The following KLK6 variants were observed in gnomAD, a reference collection of about 807,000 sequenced individuals.
The protein encoded by KLK6 is kallikrein related peptidase 6, also known as kallikrein-6.
KLK6 carries 16 observed loss-of-function variants against 21.7 expected under a neutral mutation model. That is an observed-to-expected ratio of 0.74 (90% CI 0.50 to 1.12). The LOEUF (loss-of-function observed/expected upper bound fraction) is 1.12, where lower values mean the gene tolerates loss of function less well. Among genes scored for constraint, KLK6 ranks in the 50% most tolerant of loss-of-function variants. The probability of loss-of-function intolerance (pLI) is 0.00; values close to 1 mark genes in which losing one functional copy is unlikely to be tolerated. For synonymous variants in KLK6, 116 were observed against 120.1 expected, an observed-to-expected ratio of 0.97 and a Z score of 0.22; for missense variants, 276 against 304.6, an observed-to-expected ratio of 0.91 and a Z score of 0.70.
intron 5 of KLK6, 126 bp downstream of exon 5, chr19:50,963,176 G>C: frequency 1.5e-6 from 2 of 1,329,700 alleles, no homozygotes; most frequent in Non-Finnish European, 2.1e-6. Flanking sequence ...TTGAAACCCT[G>C]TCCCATTGGT....
chr19:50,962,522 T>C (rs1472187608), intron 5 of KLK6: 1 of 152,840 alleles, frequency 6.5e-6, no homozygotes, highest in African/African-American at 2.4e-5. Flanking sequence ...CTTTCCTAAC[T>C]GGCCCTGCCC....
Position 50,967,235 on chromosome 19 carries a change from T to C in KLK6, c.131A>G (p.His44Arg). The change falls in exon 4 of 7, where the codon CAC becomes CGC. Residue 44 changes from histidine to arginine, a missense_variant. By Grantham distance (29) the His-to-Arg change is conservative (BLOSUM62 0). Transcript: ENST00000310157. Reference protein sequence around the residue: ...PYQAALYTSGHLLCGGVLIHP... With the variant: ...PYQAALYTSGRLLCGGVLIHP... ...GATAAGGACCCCACCACAGAGCAAG[T>C]GGCCCGAGGTGTAGAGGGCAGCTTG... 2 of 1,614,104 alleles carry C rather than the reference T, an allele frequency of 1.2e-6. No individual in the cohort carries two copies. Among genetic ancestry groups the C allele is most frequent in the Non-Finnish European group, 1.7e-6 (2 of 1,180,004 alleles).
At position 50,959,135 on chromosome 19, in the gene KLK6, G is replaced by T. The variant is rs375130402; in HGVS notation, c.*29C>A. ...TCTGGAACCAGCCAGTGGGGTGGTA[G>T]GTCGGGAGGTAGATGTCACATGTCA... On this transcript the variant is annotated 3_prime_UTR_variant, in exon 7 of 7. Transcript: ENST00000310157. The T allele has an allele frequency of 2.5e-6, 4 of 1,613,484 alleles. No homozygotes were observed. The highest frequency in any genetic ancestry group is 1.3e-5 in the African/African-American group (1 of 74,914).
At chr19:50,969,297 G>C (rs1422965814) in intron 1 of KLK6, among the ~76,000 whole-genome samples, 193 bp downstream of exon 1, 1 of 152,066 alleles carries the variant, frequency 6.6e-6, no homozygotes, top group East Asian at 1.9e-4. Flanking sequence ...AGACCTCCGG[G>C]TTTTGGAGAA....
chr19:50,968,503 C>T (rs998019987), intron 2 of KLK6, 38 bp downstream of exon 2: 4 of 243,996 alleles, frequency 1.6e-5, no homozygotes, highest in Admixed American at 4.9e-5. Context: ...CCACCCACCC[C>T]GCCCACCCGG....
intron 4 of KLK6, among the ~76,000 whole-genome samples, chr19:50,965,805 C>G (rs960275065): frequency 6.6e-6 from 1 of 152,192 alleles, no homozygotes; most frequent in African/African-American, 2.4e-5. Context: ...TTTCCCTGCA[C>G]CTCAGTTTCC....
intron 6 of KLK6, among the ~76,000 whole-genome samples, chr19:50,960,117 A>AG (rs2090816682): frequency 5.6e-5 from 1 of 17,822 alleles, no homozygotes; most frequent in Non-Finnish European, 1.0e-4. Context: ...AGGAGGATGG[A>AG]GAGGGGGAGG....
rs1236766891 is a variant in KLK6 at position 50,963,481 on chromosome 19, A to G, written c.266T>C (p.Val89Ala). Residue 89 changes from valine to alanine, a missense_variant, in exon 5 of 7, where the codon GTT becomes GCT. Coordinates refer to ENST00000310157, the MANE Select transcript of KLK6 (RefSeq NM_002774.4). Reference protein sequence around the residue: ...QRESSQEQSSVVRAVIHPDYD... With the variant: ...QRESSQEQSSAVRAVIHPDYD... ...GTCAGGGTGGATCACAGCCCGGACA[A>G]CAGAACTCTGCTCCTGGGAACTCTC... is the stretch of plus-strand genomic sequence containing the variant. The G allele has an allele frequency of 1.2e-6, 2 of 1,614,180 alleles. No homozygotes were observed. The highest frequency in any genetic ancestry group is 1.7e-6 in the Non-Finnish European group (2 of 1,180,036).
chr19:50,967,511 C>CCACACACACACACACACACACA lies in KLK6; in HGVS notation c.41-208_41-187dup, dbSNP rs146062864. Among the ~76,000 whole-genome samples, 346 of 125,552 alleles carry CCACACACACACACACACACACA rather than the reference C, an allele frequency of 2.8e-3. 4 individuals are homozygous for CCACACACACACACACACACACA. The highest frequency in any genetic ancestry group is 4.0e-3 in the Middle Eastern group (1 of 252). 82.4% of individuals were successfully genotyped at this position (125,552 alleles called of 152,430 possible). ...TCGGTAACACAGTGAGACCTCATCT[C>CCACACACACACACACACACACA]CACACACACACACACACACACACAC... is the stretch of plus-strand genomic sequence containing the variant. On this transcript the variant is annotated intron_variant, in intron 3 of 6. Transcript: ENST00000310157.
At chr19:50,960,121 G>A (rs1303696562) in intron 6 of KLK6, among the ~76,000 whole-genome samples, 1 of 101,408 alleles carries the variant, frequency 9.9e-6, no homozygotes, top group Non-Finnish European at 2.1e-5. Context: ...GGATGGAGAG[G>A]GGGAGGAGGA....
intron 6 of KLK6, among the ~76,000 whole-genome samples, chr19:50,960,852 C>T (rs535062930): frequency 2.7e-4 from 41 of 152,276 alleles, no homozygotes; most frequent in Admixed American, 1.2e-3. Flanking sequence ...CAACAACCTC[C>T]GCCTCCAGGT....
In KLK6 at chr19:50,961,742, A is replaced by G. The variant is rs1205824249; in HGVS notation, c.582+2T>C. 12 of 1,612,826 alleles carry G rather than the reference A, an allele frequency of 7.4e-6. No individual in the cohort carries two copies. The Admixed American group carries it at 8.3e-5, about 11-fold the overall frequency. ...GTAAGTGGCAGATCCGGGTCACCTCACCTGGCAGGAATCCTTCCCGTACTT... is the reference window on the plus strand; with the variant it reads ...GTAAGTGGCAGATCCGGGTCACCTCGCCTGGCAGGAATCCTTCCCGTACTT... On this transcript the variant is annotated splice_donor_variant, in intron 6 of 6. Transcript: ENST00000310157. LOFTEE classifies it high-confidence loss of function.
Position 50,963,545 on chromosome 19 carries a change from G to T in KLK6, c.202C>A (p.Leu68Ile). 1.2e-6 allele frequency: 2 copies of T among 1,614,008 alleles called. No individual in the cohort carries two copies. The highest frequency in any genetic ancestry group is 1.7e-6 in the Non-Finnish European group (2 of 1,179,960). Reference sequence around the variant, plus strand: ...TTATGCTTCCCCAGGAAGACCTGAAGATTCCTGGGAAGGAAGAGGGCTGGG... The same window carrying T: ...TTATGCTTCCCCAGGAAGACCTGAATATTCCTGGGAAGGAAGAGGGCTGGG... ...LTAAHCKKPN[L>I]QVFLGKHNLR... The change falls in exon 5 of 7, where the codon CTT (leucine) becomes ATT (isoleucine). Residue 68 changes from leucine to isoleucine, a missense_variant. Transcript: ENST00000310157.
chr19:50,959,243 C>T lies in KLK6; in HGVS notation c.656G>A (p.Gly219Glu). Reference sequence around the variant, plus strand: ...GTAGACTCCTGGCTTCTCCTTTGATCCACAGGGGATGTTACCCCATGACAC... The same window carrying T: ...GTAGACTCCTGGCTTCTCCTTTGATTCACAGGGGATGTTACCCCATGACAC... The part of the protein sequence containing the change: ...GLVSWGNIPC[G>E]SKEKPGVYTN... The change falls in exon 7 of 7, where the codon GGA becomes GAA. Residue 219 changes from glycine (G) to glutamate (E), a missense_variant. By Grantham distance (98) the Gly-to-Glu change is moderately conservative. Transcript: ENST00000310157. 6.2e-7 allele frequency: 1 copy of T among 1,613,730 alleles called. No homozygotes were observed. The highest frequency in any genetic ancestry group is 8.5e-7 in the Non-Finnish European group (1 of 1,179,914).
chr19:50,965,631 A>G (rs898449820), intron 4 of KLK6, among the ~76,000 whole-genome samples: 13 of 152,172 alleles, frequency 8.5e-5, no homozygotes, highest in African/African-American at 2.9e-4. Context: ...GGCAGGGATG[A>G]CGTGTGTGTC....
intron 3 of KLK6, 104 bp downstream of exon 3, chr19:50,967,961 C>G (rs2090953880): frequency 9.7e-7 from 1 of 1,026,344 alleles, no homozygotes; most frequent in East Asian, 2.4e-5. Flanking sequence ...AAAGCTCCCC[C>G]ACCCCAACCC....
At chr19:50,959,985 G>A (rs1341197441) in intron 6 of KLK6, among the ~76,000 whole-genome samples, 1 of 73,384 alleles carries the variant, frequency 1.4e-5, no homozygotes, top group Non-Finnish European at 2.6e-5. Context: ...AGAGGAGAAC[G>A]AGGAGGAGGA....
chr19:50,965,644 A>T (rs1279348114), intron 4 of KLK6, among the ~76,000 whole-genome samples: 2 of 152,132 alleles, frequency 1.3e-5, no homozygotes, highest in African/African-American at 4.8e-5. Flanking sequence ...TGTGTGTCCC[A>T]TCCATTGCTG....
chr19:50,966,870 T>C (rs913799579), intron 4 of KLK6, among the ~76,000 whole-genome samples: 1 of 152,202 alleles, frequency 6.6e-6, no homozygotes, highest in East Asian at 1.9e-4. Flanking sequence ...TAAATCCAAA[T>C]GCCCATCACG....
Sources: allele counts gnomAD v4.1 joint callset (sites outside exome capture counted in the v4.1 genomes callset), GRCh38; gene constraint gnomAD v4.1.1; transcripts MANE v1.5; gene names NCBI Gene and HGNC (gene_info 2026-07-23, HGNC 2026-07-21).